RBMX2: variants seen among roughly 807,000 people sequenced by gnomAD.
RBMX2 encodes RNA binding motif protein X-linked 2, also known as RNA-binding motif protein, X-linked 2.
For missense variants in RBMX2, 191 were observed against 256.0 expected, an observed-to-expected ratio of 0.75 and a Z score of 1.73; for synonymous variants, 77 against 94.3, an observed-to-expected ratio of 0.82 and a Z score of 1.07.
chrX:130,412,494 C>G lies in RBMX2; in HGVS notation c.615C>G (p.His205Gln). ...AGGATGACACTGGCCCTAAGAAGCA[C>G]AGCAGCAAGAACTCAGAGAGAGCTC... is the stretch of plus-strand genomic sequence containing the variant. ...KEKDDTGPKKHSSKNSERAQK... is the reference protein window; with the variant it reads ...KEKDDTGPKKQSSKNSERAQK... The change falls in exon 6 of 6, where the codon CAC becomes CAG. Residue 205 changes from histidine (H) to glutamine (Q), a missense_variant. Physicochemically the swap from His to Gln is conservative, Grantham distance 24 (BLOSUM62 0). Transcript: ENST00000305536. The G allele has an allele frequency of 8.3e-7, 1 of 1,210,405 alleles. No individual in the cohort carries two copies. Among genetic ancestry groups the G allele is most frequent in the East Asian group, 3.0e-5 (1 of 33,784 alleles).
At chrX:130,412,266 G>A (rs868255287) in intron 5 of RBMX2, 95 bp from the exon 6 acceptor site, 73 of 1,017,715 alleles carry the variant, frequency 7.2e-5, no homozygotes, top group Admixed American at 2.0e-4. Context: ...TTGATGTAAC[G>A]TATTCAGAAA....
chrX:130,406,427 A>C (rs955496565), intron 3 of RBMX2, among the ~76,000 whole-genome samples: 2 of 110,114 alleles, frequency 1.8e-5, no homozygotes, highest in Non-Finnish European at 1.9e-5. Flanking sequence ...TAATCCTAGC[A>C]CATTGGGAGG....
Position 130,407,636 on chromosome X carries a change from T to C in RBMX2, c.174-1621T>C, listed in dbSNP as rs770124373. Among the ~76,000 whole-genome samples, 3 of 110,284 alleles carry C rather than the reference T, an allele frequency of 2.7e-5. No homozygotes were observed. The South Asian group carries it at 1.1e-3, about 42-fold the overall frequency. On this transcript the variant is annotated intron_variant, in intron 3 of 5. Transcript: ENST00000305536. Reference sequence around the variant, plus strand: ...CTGGAATTTATCTTTTTGTAAGGCGTAAGGTAGTTTGTTTTTCTAATGTTT... The same window carrying C: ...CTGGAATTTATCTTTTTGTAAGGCGCAAGGTAGTTTGTTTTTCTAATGTTT...
chrX:130,405,782 C>G (rs2034481403), intron 3 of RBMX2, among the ~76,000 whole-genome samples: 1 of 98,315 alleles, frequency 1.0e-5, no homozygotes, highest in Non-Finnish European at 2.1e-5. Context: ...TTAACAGTGA[C>G]TATTTTAAAA....
Position 130,411,192 on chromosome X carries a change from A to G in RBMX2, c.304-156A>G, listed in dbSNP as rs1253885556. 5 of 476,114 alleles carry G rather than the reference A, an allele frequency of 1.1e-5. No individual in the cohort carries two copies. In the Admixed American group the frequency reaches 1.9e-4, roughly 18 times the overall value. The allele number at this position is 476,114 out of a possible 1,213,427, so 39.2% of individuals were successfully genotyped here. A position where few individuals can be genotyped will look rare whatever the true frequency, so the allele number is the denominator to read the frequency against. On this transcript the variant is annotated intron_variant, in intron 4 of 5. Coordinates refer to ENST00000305536, the MANE Select transcript of RBMX2 (RefSeq NM_016024.4). The stretch of plus-strand genomic sequence containing the variant: ...GTATTAATATTTAGGTGTACATGCT[A>G]TGACACACCAGTTGGACAGGTCTGC...
At position 130,402,023 on chromosome X, in the gene RBMX2, A is replaced by C; in HGVS notation, c.-10A>C. 1 of 1,197,860 alleles carries C rather than the reference A, an allele frequency of 8.3e-7. No homozygotes were observed. Among genetic ancestry groups the C allele is most frequent in the Non-Finnish European group, 1.1e-6 (1 of 888,651 alleles). ...GCTGATTCCTGAGTGCTGAGCGCGA[A>C]CCCGAGGAGATGAAGTAAGGCGTCA... is the stretch of plus-strand genomic sequence containing the variant. On this transcript the variant is annotated 5_prime_UTR_variant, in exon 1 of 6. Coordinates refer to ENST00000305536, the MANE Select transcript of RBMX2 (RefSeq NM_016024.4).
intron 3 of RBMX2, chrX:130,404,413 A>G (rs1455548107): frequency 8.8e-6 from 1 of 113,214 alleles, no homozygotes; most frequent in African/African-American, 3.2e-5. Flanking sequence ...TAGCAGCAGC[A>G]TTTCATGGGA....
intron 3 of RBMX2, among the ~76,000 whole-genome samples, chrX:130,405,635 T>C (rs2034480394): frequency 9.1e-6 from 1 of 110,430 alleles, no homozygotes; most frequent in Non-Finnish European, 1.9e-5. Context: ...GCATCCCTCA[T>C]GGTCTCTTTA....
In RBMX2 at chrX:130,402,002, A is replaced by G; in HGVS notation, c.-31A>G. The G allele has an allele frequency of 8.4e-7, 1 of 1,185,846 alleles. No individual in the cohort carries two copies. Among genetic ancestry groups the G allele is most frequent in the Non-Finnish European group, 1.1e-6 (1 of 880,678 alleles). ...GCTGCGCTGCCTTTCCCGGGCGCTG[A>G]TTCCTGAGTGCTGAGCGCGAACCCG... On this transcript the variant is annotated 5_prime_UTR_variant, in exon 1 of 6. Coordinates refer to ENST00000305536, the MANE Select transcript of RBMX2 (RefSeq NM_016024.4).
intron 3 of RBMX2, 152 bp downstream of exon 3, chrX:130,404,005 C>T: frequency 7.6e-6 from 4 of 528,700 alleles, no homozygotes; most frequent in Non-Finnish European, 9.8e-6. Flanking sequence ...TAGATCAGTC[C>T]CAGGACATGG....
chrX:130,402,843 T>C (rs2034463448), intron 2 of RBMX2, among the ~76,000 whole-genome samples: 1 of 112,158 alleles, frequency 8.9e-6, no homozygotes, highest in African/African-American at 3.2e-5. Flanking sequence ...TTCTAGTCCA[T>C]GGCCACGTTA....
chrX:130,402,225 A>ACCCAAACCC, intron 1 of RBMX2, 30 bp from the exon 2 acceptor site: 10 of 984,787 alleles, frequency 1.0e-5, no homozygotes, highest in African/African-American at 2.0e-5. Flanking sequence ...TTTTCTGCCT[A>ACCCAAACCC]CCCTCCCCAC....
chrX:130,412,314 AT>A (rs750462781), intron 5 of RBMX2, 46 bp from the exon 6 acceptor site: 2 of 1,053,507 alleles, frequency 1.9e-6, no homozygotes, highest in Non-Finnish European at 2.5e-6. Context: ...GAGTTCTTTT[AT>A]TTTTTTCCCT....
intron 2 of RBMX2, among the ~76,000 whole-genome samples, chrX:130,403,049 C>T (rs2124784860): frequency 8.9e-6 from 1 of 112,326 alleles, no homozygotes; most frequent in South Asian, 3.7e-4. Flanking sequence ...GAAATTATTC[C>T]CTAGGAAATG....
chrX:130,402,234 A>ACCCCCCCCCCC, intron 1 of RBMX2, 21 bp from the exon 2 acceptor site: 3 of 583,349 alleles, frequency 5.1e-6, no homozygotes, highest in African/African-American at 3.6e-5. Flanking sequence ...TACCCTCCCC[A>ACCCCCCCCCCC]CCCCCCCCGC....
chrX:130,404,423 A>G lies in RBMX2; in HGVS notation c.173+570A>G, dbSNP rs187844456. The G allele has an allele frequency of 3.1e-3, 353 of 112,870 alleles. 2 individuals are homozygous for G. In the Middle Eastern group the frequency reaches 0.032, roughly 10 times the overall value. The allele number at this position is 112,870 out of a possible 1,213,427, so 9.3% of individuals were successfully genotyped here. On this transcript the variant is annotated intron_variant, in intron 3 of 5. Coordinates refer to ENST00000305536, the MANE Select transcript of RBMX2 (RefSeq NM_016024.4). ...GGTGTTAGCAGCAGCATTTCATGGG[A>G]GAGGGTGTTGGCAGCTCATACTGGT... is the stretch of plus-strand genomic sequence containing the variant.
chrX:130,406,771 G>T (rs1286083751), intron 3 of RBMX2, among the ~76,000 whole-genome samples: 1 of 110,715 alleles, frequency 9.0e-6, no homozygotes, highest in African/African-American at 3.3e-5. Flanking sequence ...CTGGGACCCA[G>T]ATCTAAACAT....
At chrX:130,403,536 T>C (rs1220568291) in intron 2 of RBMX2, among the ~76,000 whole-genome samples, 1 of 110,139 alleles carries the variant, frequency 9.1e-6, no homozygotes, top group East Asian at 2.8e-4. Flanking sequence ...ACCTGGCTGA[T>C]TTTTTTTTGT....
In RBMX2 at chrX:130,403,861, T is replaced by G; in HGVS notation, c.173+8T>G. 1 of 1,203,116 alleles carries G rather than the reference T, an allele frequency of 8.3e-7. No homozygotes were observed. Among genetic ancestry groups the G allele is most frequent in the Admixed American group, 2.2e-5 (1 of 46,102 alleles). ...CATCTGTGTGTTCTCACAGTAAGTG[T>G]CCTTTCATTTCCTGCCTCCTGAGTC... On this transcript the variant is annotated splice_region_variant and intron_variant, in intron 3 of 5. Transcript: ENST00000305536.
Sources: allele counts gnomAD v4.1 joint callset (sites outside exome capture counted in the v4.1 genomes callset), GRCh38; gene constraint gnomAD v4.1.1; transcripts MANE v1.5; gene names NCBI Gene and HGNC (gene_info 2026-07-23, HGNC 2026-07-21).